Variants in MCU observed in about 807,000 individuals in gnomAD.
The protein encoded by MCU is calcium uniporter protein, mitochondrial.
In MCU, 12 loss-of-function variants were observed where a neutral mutation model predicts 45.2. The ratio of observed to expected loss-of-function variants is 0.27; its 90% CI spans 0.17 to 0.43. The LOEUF is 0.43. Ranked by LOEUF, MCU falls within the 20% of genes least tolerant of loss-of-function variation. MCU has a pLI of 1.00. For synonymous variants in MCU, 160 were observed against 165.1 expected (o/e 0.97, Z 0.24); for missense variants, 324 against 436.7 (o/e 0.74, Z 2.30).
At chr10:72,740,923 C>T (rs930904091) in intron 1 of MCU, among the ~76,000 whole-genome samples, 3 of 152,188 alleles carry the variant, frequency 2.0e-5, no homozygotes, top group East Asian at 1.9e-4. Context: ...CTGTGTTTAA[C>T]GTAATATAGG....
At chr10:72,741,253 C>T (rs1404100799) in intron 1 of MCU, among the ~76,000 whole-genome samples, 2 of 152,006 alleles carry the variant, frequency 1.3e-5, no homozygotes, top group African/African-American at 4.8e-5. Flanking sequence ...GCGCCCACCA[C>T]CACACCCGGC....
intron 1 of MCU, among the ~76,000 whole-genome samples, chr10:72,744,671 C>A (rs1374818423): frequency 1.3e-5 from 2 of 152,190 alleles, no homozygotes; most frequent in African/African-American, 4.8e-5. Flanking sequence ...CAACTGGTCA[C>A]AGCTTTGGGA....
chr10:72,846,310 T>G (rs1845122206), intron 2 of MCU, among the ~76,000 whole-genome samples: 4 of 152,232 alleles, frequency 2.6e-5, no homozygotes, highest in Admixed American at 2.6e-4. Context: ...CCCGAAGTGC[T>G]GGGATCACAG....
chr10:72,803,833 A>G (rs1252719327), intron 1 of MCU, among the ~76,000 whole-genome samples: 2 of 151,204 alleles, frequency 1.3e-5, no homozygotes, highest in African/African-American at 2.4e-5. Flanking sequence ...CCACAATACC[A>G]TAATTAAATC....
chr10:72,850,801 A>G (rs1845197015), intron 2 of MCU, among the ~76,000 whole-genome samples: 1 of 152,232 alleles, frequency 6.6e-6, no homozygotes, highest in Non-Finnish European at 1.5e-5. Flanking sequence ...GCTCTGGAAC[A>G]TACTTATATT....
intron 6 of MCU, among the ~76,000 whole-genome samples, chr10:72,878,751 G>A (rs149450526): frequency 1.1e-4 from 17 of 152,230 alleles, no homozygotes; most frequent in African/African-American, 4.1e-4. Context: ...GAAGTGTGCA[G>A]ATACAGAAAG....
chr10:72,805,689 A>G (rs1844437764), intron 1 of MCU, among the ~76,000 whole-genome samples: 1 of 152,146 alleles, frequency 6.6e-6, no homozygotes, highest in Admixed American at 6.5e-5. Context: ...TGCTATAGAA[A>G]GTCCCTGTGG....
chr10:72,715,535 T>G (rs1396064068), intron 1 of MCU, among the ~76,000 whole-genome samples: 2 of 152,182 alleles, frequency 1.3e-5, no homozygotes, highest in Non-Finnish European at 2.9e-5. Flanking sequence ...GTTACTCTGG[T>G]CTCCTGGAAA....
rs115730538 is a variant in MCU at position 72,783,214 on chromosome 10, A to G, written c.151-51145A>G. Among the ~76,000 whole-genome samples the G allele has an allele frequency of 6.8e-3, 1,041 of 152,366 alleles. 18 individuals are homozygous for G. The highest frequency in any genetic ancestry group is 0.024 in the African/African-American group (990 of 41,594). ...TTCAAATTAGATTTTATCATCTGGC[A>G]TAGGCATACCACCTAGTTACATTAT... is the stretch of plus-strand genomic sequence containing the variant. On this transcript the variant is annotated intron_variant, in intron 1 of 7. Transcript: ENST00000373053.
chr10:72,878,001 T>G (rs912372885), intron 6 of MCU, among the ~76,000 whole-genome samples: 2 of 151,904 alleles, frequency 1.3e-5, no homozygotes, highest in Non-Finnish European at 2.9e-5. Flanking sequence ...GGAATACTGG[T>G]AATCCCCGAG....
At chr10:72,815,196 T>C (rs1353919489) in intron 1 of MCU, among the ~76,000 whole-genome samples, 3 of 152,264 alleles carry the variant, frequency 2.0e-5, no homozygotes, top group Admixed American at 6.5e-5. Context: ...CTGCCTCTTA[T>C]AGTACAGGAG....
At chr10:72,748,378 T>C (rs922924939) in intron 1 of MCU, among the ~76,000 whole-genome samples, 1 of 152,210 alleles carries the variant, frequency 6.6e-6, no homozygotes, top group Non-Finnish European at 1.5e-5. Flanking sequence ...ATTAGACACA[T>C]TTTAAGTGCT....
At chr10:72,720,477 C>A (rs1394805378) in intron 1 of MCU, among the ~76,000 whole-genome samples, 1 of 150,442 alleles carries the variant, frequency 6.6e-6, no homozygotes, top group African/African-American at 2.5e-5. Context: ...TTAGCCCTTT[C>A]ACTTTGCAGA....
intron 1 of MCU, among the ~76,000 whole-genome samples, chr10:72,785,000 C>T (rs1292915154): frequency 6.6e-6 from 1 of 152,124 alleles, no homozygotes; most frequent in Admixed American, 6.6e-5. Flanking sequence ...GAGAATCTTG[C>T]GTTGTCAAGG....
chr10:72,785,830 T>C (rs895991012), intron 1 of MCU, among the ~76,000 whole-genome samples: 1 of 152,174 alleles, frequency 6.6e-6, no homozygotes, highest in Admixed American at 6.5e-5. Context: ...ATGAAGAAAA[T>C]CCTTTTGGAA....
At chr10:72,751,426 C>G (rs1167838586) in intron 1 of MCU, among the ~76,000 whole-genome samples, 1 of 125,868 alleles carries the variant, frequency 7.9e-6, no homozygotes, top group Non-Finnish European at 1.6e-5. Flanking sequence ...ATGATCTTGA[C>G]TCACTGCAAC....
intron 1 of MCU, among the ~76,000 whole-genome samples, chr10:72,729,896 A>G (rs1456104527): frequency 6.6e-6 from 1 of 151,238 alleles, no homozygotes; most frequent in Non-Finnish European, 1.5e-5. Context: ...GACTTTGCCA[A>G]ATATCACCTG....
chr10:72,729,724 CAGTT>C (rs961368992), intron 1 of MCU, among the ~76,000 whole-genome samples: 1 of 152,122 alleles, frequency 6.6e-6, no homozygotes, highest in African/African-American at 2.4e-5. Context: ...TGGTAATACT[CAGTT>C]ACTCAACCTT....
intron 1 of MCU, among the ~76,000 whole-genome samples, chr10:72,809,492 G>A (rs1844505260): frequency 6.6e-6 from 1 of 152,200 alleles, no homozygotes; most frequent in Admixed American, 6.5e-5. Context: ...GGGTCTTAAA[G>A]CCTGAGAGAC....
Sources: gnomAD v4.1 joint callset for allele counts (sites outside exome capture counted in the v4.1 genomes callset) on GRCh38, gnomAD v4.1.1 for gene constraint, MANE v1.5 for transcripts, NCBI Gene and HGNC (gene_info 2026-07-23, HGNC 2026-07-21) for gene names.